Variants in PAWR observed in about 807,000 individuals in gnomAD.
The protein encoded by PAWR is PRKC apoptosis WT1 regulator protein.
Under a neutral mutation model 32.0 loss-of-function variants are expected in PAWR, and 23 were observed. The observed-to-expected ratio is 0.72, with a 90% CI of 0.52 to 1.02. PAWR has a LOEUF of 1.02. Ranked by LOEUF, PAWR falls within the 50% of genes least tolerant of loss-of-function variation. PAWR has a pLI of 0.00. For missense variants in PAWR, 457 were observed against 437.7 expected (o/e 1.04, Z -0.39); for synonymous variants, 226 against 187.1 (o/e 1.21, Z -1.70).
intron 2 of PAWR, among the ~76,000 whole-genome samples, chr12:79,637,914 T>A (rs933159917): frequency 6.6e-6 from 1 of 152,180 alleles, no homozygotes; most frequent in Non-Finnish European, 1.5e-5. Flanking sequence ...CAAATAGTTG[T>A]GGATATCCCA....
At position 79,689,999 on chromosome 12, in the gene PAWR, G is replaced by T. The variant is rs992905738; in HGVS notation, c.246C>A (p.Ala82=). The T allele has an allele frequency of 2.1e-5, 28 of 1,306,592 alleles. No individual in the cohort carries two copies. Among genetic ancestry groups the T allele is most frequent in the Middle Eastern group, 2.8e-4 (1 of 3,586 alleles). The allele number at this position is 1,306,592 out of a possible 1,614,324, so 80.9% of individuals were successfully genotyped here. The change falls in exon 2 of 7, where the codon GCC becomes GCA. Residue 82 remains alanine (A), a synonymous_variant. Transcript: ENST00000328827. ...NLPGGAPAAP[A]VPGPGGVNCA... is the part of the protein sequence containing the mutation. ...AGTTCACGCCCCCGGGACCGGGGAC[G>T]GCAGGTGCGGCCGGCGCGCCGCCCG...
intron 2 of PAWR, among the ~76,000 whole-genome samples, chr12:79,661,555 A>G (rs932054270): frequency 6.6e-6 from 1 of 152,214 alleles, no homozygotes; most frequent in Non-Finnish European, 1.5e-5. Context: ...TACATTTAAG[A>G]TAATGTTTTA....
chr12:79,594,879 G>C (rs1481201121), intron 5 of PAWR, among the ~76,000 whole-genome samples: 1 of 151,970 alleles, frequency 6.6e-6, no homozygotes, highest in Non-Finnish European at 1.5e-5. Context: ...ACCATGCCTG[G>C]GTAATTTTCA....
chr12:79,682,747 T>C (rs903853288), intron 2 of PAWR, among the ~76,000 whole-genome samples: 1 of 152,224 alleles, frequency 6.6e-6, no homozygotes, highest in Non-Finnish European at 1.5e-5. Flanking sequence ...TACATGTAGG[T>C]ATATGGCTAT....
chr12:79,629,596 T>TAA (rs576792145), intron 2 of PAWR, among the ~76,000 whole-genome samples: 3 of 145,598 alleles, frequency 2.1e-5, no homozygotes, highest in African/African-American at 7.5e-5. Flanking sequence ...TGTAGAGATA[T>TAA]AAAAAAAAAA....
intron 2 of PAWR, among the ~76,000 whole-genome samples, chr12:79,643,229 GA>G (rs1486449813): frequency 6.6e-6 from 1 of 152,068 alleles, no homozygotes; most frequent in East Asian, 1.9e-4. Context: ...AGGGAGGAAG[GA>G]GGAAACTAAG....
intron 3 of PAWR, among the ~76,000 whole-genome samples, chr12:79,616,502 G>A (rs751333752): frequency 4.6e-5 from 7 of 152,118 alleles, no homozygotes; most frequent in Non-Finnish European, 8.8e-5. Context: ...GTAAAACTTA[G>A]AGTAATAGAG....
intron 2 of PAWR, among the ~76,000 whole-genome samples, chr12:79,621,689 G>C (rs1187445153): frequency 6.6e-6 from 1 of 152,002 alleles, no homozygotes; most frequent in African/African-American, 2.4e-5. Flanking sequence ...TTTTTACCTG[G>C]AGAGTTAGAA....
chr12:79,603,078 T>A (rs908120336), intron 4 of PAWR, among the ~76,000 whole-genome samples: 1 of 151,704 alleles, frequency 6.6e-6, no homozygotes, highest in Admixed American at 6.6e-5. Flanking sequence ...TCTGTCTCTA[T>A]AAAATTAAAA....
intron 1 of PAWR, 24 bp from the exon 2 acceptor site, chr12:79,690,415 C>G: frequency 7.7e-7 from 1 of 1,298,898 alleles, no homozygotes; most frequent in Admixed American, 3.9e-5. Flanking sequence ...CAAAAGGGGG[C>G]GGGTAAGGGA....
intron 2 of PAWR, among the ~76,000 whole-genome samples, chr12:79,666,746 T>C (rs1877625130): frequency 6.6e-6 from 1 of 152,240 alleles, no homozygotes; most frequent in Non-Finnish European, 1.5e-5. Flanking sequence ...GTGGGCTTTT[T>C]TTCCAATTAA....
chr12:79,601,475 G>C (rs556193454), intron 4 of PAWR, among the ~76,000 whole-genome samples: 2 of 152,160 alleles, frequency 1.3e-5, no homozygotes, highest in Non-Finnish European at 2.9e-5. Flanking sequence ...AAAGTGCTTG[G>C]AGTAGAAGTC....
chr12:79,665,195 T>TAG (rs1383096444), intron 2 of PAWR, among the ~76,000 whole-genome samples: 1 of 152,208 alleles, frequency 6.6e-6, no homozygotes, highest in Non-Finnish European at 1.5e-5. Flanking sequence ...TTAGTTCCAT[T>TAG]TACTTTTCTT....
Position 79,665,661 on chromosome 12 carries a change from A to G in PAWR, c.516+24068T>C, listed in dbSNP as rs140317485. Among the ~76,000 whole-genome samples the G allele has an allele frequency of 4.1e-3, 622 of 152,308 alleles. 12 individuals carry two copies. The highest frequency in any genetic ancestry group is 0.014 in the African/African-American group (590 of 41,578). Reference sequence around the variant, plus strand: ...TTTCATTATGCCTAATTAACCTATTACTTACACTACTCTGATATACATCTC... The same window carrying G: ...TTTCATTATGCCTAATTAACCTATTGCTTACACTACTCTGATATACATCTC... On this transcript the variant is annotated intron_variant, in intron 2 of 6. Transcript: ENST00000328827.
chr12:79,667,670 T>C, intron 2 of PAWR, among the ~76,000 whole-genome samples: 1 of 151,028 alleles, frequency 6.6e-6, no homozygotes, highest in Non-Finnish European at 1.5e-5. Context: ...TGAATTATTA[T>C]TTACATGTAA....
intron 4 of PAWR, among the ~76,000 whole-genome samples, chr12:79,601,015 A>T (rs1442518411): frequency 6.6e-6 from 1 of 152,072 alleles, no homozygotes; most frequent in East Asian, 1.9e-4. Context: ...TTGACAACAA[A>T]CAGTTCAAGG....
chr12:79,611,741 C>A (rs1194159109), intron 4 of PAWR, among the ~76,000 whole-genome samples: 3 of 152,012 alleles, frequency 2.0e-5, no homozygotes, highest in African/African-American at 4.8e-5. Context: ...GAAAAGTAAA[C>A]CACATGCTCT....
intron 2 of PAWR, among the ~76,000 whole-genome samples, chr12:79,669,393 TTC>T (rs1455118590): frequency 6.6e-6 from 1 of 152,204 alleles, no homozygotes; most frequent in Non-Finnish European, 1.5e-5. Context: ...AGATACACTG[TTC>T]TATCTTTTCA....
intron 6 of PAWR, among the ~76,000 whole-genome samples, chr12:79,594,094 A>G (rs868230662): frequency 6.6e-6 from 1 of 152,156 alleles, no homozygotes; most frequent in Non-Finnish European, 1.5e-5. Context: ...TTAACAAAAC[A>G]GAGAACAAAT....
Sources: gnomAD v4.1 joint callset for allele counts (sites outside exome capture counted in the v4.1 genomes callset) on GRCh38, gnomAD v4.1.1 for gene constraint, MANE v1.5 for transcripts, NCBI Gene and HGNC (gene_info 2026-07-23, HGNC 2026-07-21) for gene names.